CLDN14: variants seen among roughly 807,000 people sequenced by gnomAD.
CLDN14 encodes the protein claudin 14, also known as claudin-14.
CLDN14 carries 2 observed loss-of-function variants against 2.1 expected under a neutral mutation model. That is an observed-to-expected ratio of 0.96 (90% CI 0.39 to 3.01). The LOEUF (loss-of-function observed/expected upper bound fraction) is 3.01. Among genes scored for constraint, CLDN14 ranks in the 30% most tolerant of loss-of-function variants. The pLI is 0.09. For synonymous variants in CLDN14, 136 were observed against 154.4 expected (o/e 0.88, Z 0.88); for missense variants, 298 against 328.0 (o/e 0.91, Z 0.71).
chr21:36,511,083 A>G (rs553895365), intron 1 of CLDN14, among the ~76,000 whole-genome samples: 13 of 152,324 alleles, frequency 8.5e-5, no homozygotes, highest in African/African-American at 2.9e-4. Flanking sequence ...GGTCATGGCT[A>G]TTTCAAGATA....
chr21:36,498,658 G>GA lies in CLDN14; in HGVS notation c.-82+11704dup, dbSNP rs1443742925. ...CTAAGCTCTCTTCCCCTCCACCCTG[G>GA]AAAAAATGAACATAGGATCTGGCTG... On this transcript the variant is annotated intron_variant, in intron 2 of 2. Transcript: ENST00000342108. The surrounding 1 kb of genome is among the most constrained non-coding windows in gnomAD (Gnocchi z 4.9). Among the ~76,000 whole-genome samples, 12 of 152,096 alleles carry GA rather than the reference G, an allele frequency of 7.9e-5. No homozygotes were observed. The highest frequency in any genetic ancestry group is 1.6e-4 in the Non-Finnish European group (11 of 68,006).
intron 1 of CLDN14, among the ~76,000 whole-genome samples, chr21:36,525,329 C>T (rs761093795): frequency 1.5e-4 from 22 of 151,338 alleles, no homozygotes; most frequent in Non-Finnish European, 2.5e-4. Flanking sequence ...AGAAGGTGAA[C>T]GCCATGCTGA....
At chr21:36,481,902 T>C (rs1459228760), upstream of CLDN14, among the ~76,000 whole-genome samples, 2 of 152,196 alleles carry the variant, frequency 1.3e-5, no homozygotes, top group Admixed American at 1.3e-4. Context: ...TGGCTAGCAC[T>C]ACACCTTCCC....
Position 36,498,062 on chromosome 21 carries a change from C to T in CLDN14, c.-82+12301G>A, listed in dbSNP as rs1421077044. Among the ~76,000 whole-genome samples, 2 of 151,224 alleles carry T rather than the reference C, an allele frequency of 1.3e-5. No homozygotes were observed. Among genetic ancestry groups the T allele is most frequent in the East Asian group, 3.9e-4 (2 of 5,154 alleles). Reference sequence around the variant, plus strand: ...TTGCCCAGGCTGGAGTGCAGTGGTGCAATCTTGGCTCACTGCAACCTCCAC... The same window carrying T: ...TTGCCCAGGCTGGAGTGCAGTGGTGTAATCTTGGCTCACTGCAACCTCCAC... On this transcript the variant is annotated intron_variant, in intron 2 of 2. Transcript: ENST00000342108. The surrounding 1 kb of genome is among the most constrained non-coding windows in gnomAD (Gnocchi z 4.9).
chr21:36,517,816 T>C (rs913701285), intron 1 of CLDN14, among the ~76,000 whole-genome samples: 6 of 152,136 alleles, frequency 3.9e-5, no homozygotes, highest in African/African-American at 1.4e-4. Flanking sequence ...GATCAACATT[T>C]AAATCAGCCA....
intron 1 of CLDN14, among the ~76,000 whole-genome samples, chr21:36,554,342 G>C (rs2087583680): frequency 6.6e-6 from 1 of 152,112 alleles, no homozygotes; most frequent in South Asian, 2.1e-4. Context: ...CTGGTCCCTG[G>C]CGCTCCAGGA....
intron 1 of CLDN14, among the ~76,000 whole-genome samples, chr21:36,543,143 G>C (rs901929298): frequency 2.6e-5 from 4 of 152,182 alleles, no homozygotes; most frequent in Non-Finnish European, 5.9e-5. Context: ...TCAACTGCTG[G>C]GGCAGGGGCT....
At chr21:36,474,362 A>C (rs1416901770) in intron 1 of CLDN14, among the ~76,000 whole-genome samples, 1 of 152,144 alleles carries the variant, frequency 6.6e-6, no homozygotes, top group African/African-American at 2.4e-5. Flanking sequence ...GACATTTATC[A>C]CTCTAACAAT....
intron 1 of CLDN14, among the ~76,000 whole-genome samples, chr21:36,523,494 C>T (rs988067826): frequency 6.6e-6 from 1 of 152,014 alleles, no homozygotes; most frequent in Admixed American, 6.6e-5. Flanking sequence ...TGCCTGTAAT[C>T]ACAGCACTTT....
chr21:36,464,351 T>C (rs1396390769), intron 1 of CLDN14, among the ~76,000 whole-genome samples: 1 of 152,236 alleles, frequency 6.6e-6, no homozygotes, highest in Non-Finnish European at 1.5e-5. Context: ...TCAGGTTGCA[T>C]TGCGAGAACG....
At chr21:36,523,001 G>T (rs1441479580) in intron 1 of CLDN14, among the ~76,000 whole-genome samples, 2 of 152,154 alleles carry the variant, frequency 1.3e-5, no homozygotes, top group African/African-American at 4.8e-5. Flanking sequence ...TCATGTCACT[G>T]CGGAGGCTGA....
rs1002869264 is a variant in CLDN14, at chr21:36,574,825, G to T, written c.-220+1586C>A. On this transcript the variant is annotated intron_variant, in intron 1 of 2. Coordinates refer to the CLDN14 transcript ENST00000342108. ...CATTTATCCTAAATGACAAAGCTTTGATTGAATTATTTTACATCCCTGTTA... is the reference window on the plus strand; with the variant it reads ...CATTTATCCTAAATGACAAAGCTTTTATTGAATTATTTTACATCCCTGTTA... Among the ~76,000 whole-genome samples the T allele has an allele frequency of 2.6e-5, 4 of 151,962 alleles. No individual in the cohort carries two copies. In the East Asian group the frequency reaches 5.8e-4, roughly 22 times the overall value.
intron 1 of CLDN14, among the ~76,000 whole-genome samples, chr21:36,554,439 G>A (rs2087584343): frequency 1.3e-5 from 2 of 152,220 alleles, no homozygotes; most frequent in Middle Eastern, 3.2e-3. Context: ...GCAGAGGCAG[G>A]TGCGTAACAG....
intron 2 of CLDN14, among the ~76,000 whole-genome samples, chr21:36,501,332 CTTTT>C (rs58458004): frequency 3.5e-4 from 17 of 48,432 alleles, no homozygotes; most frequent in South Asian, 1.4e-3. Context: ...CAATATCTCA[CTTTT>C]TTTTTTTTTT....
intron 2 of CLDN14, among the ~76,000 whole-genome samples, chr21:36,504,859 C>T (rs754115571): frequency 6.6e-6 from 1 of 152,140 alleles, no homozygotes; most frequent in African/African-American, 2.4e-5. Context: ...ACCCTGTACC[C>T]ATGAGTCACT....
chr21:36,552,925 G>A (rs1191756859), intron 1 of CLDN14, among the ~76,000 whole-genome samples: 1 of 152,106 alleles, frequency 6.6e-6, no homozygotes, highest in Non-Finnish European at 1.5e-5. Context: ...CTACTCCCTT[G>A]GACATGTGTT....
At chr21:36,473,699 T>C (rs2086738387) in intron 1 of CLDN14, among the ~76,000 whole-genome samples, 1 of 151,842 alleles carries the variant, frequency 6.6e-6, no homozygotes, top group Non-Finnish European at 1.5e-5. Flanking sequence ...TGGGATGGAG[T>C]CTCTTAGGAG....
chr21:36,572,467 G>A (rs2087716750), intron 1 of CLDN14, among the ~76,000 whole-genome samples: 1 of 152,130 alleles, frequency 6.6e-6, no homozygotes, highest in Non-Finnish European at 1.5e-5. Flanking sequence ...GCTGGCCCAA[G>A]ATTGAAGAGG....
Position 36,488,068 on chromosome 21 carries a change from A to C in CLDN14, c.-82+22295T>G, listed in dbSNP as rs182344362. 2.0e-5 allele frequency among the ~76,000 whole-genome samples: 3 copies of C among 152,370 alleles called. No individual in the cohort carries two copies. The East Asian group carries it at 5.8e-4, about 29-fold the overall frequency. On this transcript the variant is annotated intron_variant, in intron 2 of 2. Coordinates refer to the CLDN14 transcript ENST00000342108. ...GGCAGCAGGCCAGGCGTGCACTGAG[A>C]GACGAATGGATAAACAAAATATGCT... is the stretch of plus-strand genomic sequence containing the variant.
Sources: gnomAD v4.1 joint callset for allele counts (sites outside exome capture counted in the v4.1 genomes callset) on GRCh38, gnomAD v4.1.1 for gene constraint, Gnocchi (gnomAD v3.1) non-coding constraint, MANE v1.5 for transcripts, NCBI Gene and HGNC (gene_info 2026-07-23, HGNC 2026-07-21) for gene names.